Variants in SEL1L2 observed in about 807,000 individuals in gnomAD.
SEL1L2 encodes protein sel-1 homolog 2.
SEL1L2 carries 89 observed loss-of-function variants against 98.8 expected under a neutral mutation model. The observed-to-expected ratio is 0.90, with a 90% CI of 0.76 to 1.07. SEL1L2 has a LOEUF of 1.07. Ranked by LOEUF, SEL1L2 falls within the 50% of genes least tolerant of loss-of-function variation. The pLI is 0.00. For synonymous variants in SEL1L2, 262 were observed against 278.5 expected, an observed-to-expected ratio of 0.94 and a Z score of 0.59; for missense variants, 788 against 812.0, an observed-to-expected ratio of 0.97 and a Z score of 0.36.
intron 2 of SEL1L2, among the ~76,000 whole-genome samples, chr20:13,936,800 A>G (rs1178196520): frequency 6.6e-6 from 1 of 152,216 alleles, no homozygotes; most frequent in African/African-American, 2.4e-5. Flanking sequence ...AGGGCAGAAG[A>G]CAAGATGAAC....
At chr20:13,852,689 C>G (rs886739948) in intron 18 of SEL1L2, among the ~76,000 whole-genome samples, 1 of 152,190 alleles carries the variant, frequency 6.6e-6, no homozygotes, top group African/African-American at 2.4e-5. Flanking sequence ...GTTAAAAGAA[C>G]ATGTTTTTAA....
intron 1 of SEL1L2, among the ~76,000 whole-genome samples, chr20:13,973,605 A>G (rs754850212): frequency 1.1e-4 from 17 of 152,200 alleles, no homozygotes; most frequent in Non-Finnish European, 2.1e-4. Flanking sequence ...GTAGCATCCT[A>G]TGTCTCTGGC....
intron 1 of SEL1L2, among the ~76,000 whole-genome samples, chr20:13,980,985 G>A (rs2051797195): frequency 6.6e-6 from 1 of 152,200 alleles, no homozygotes; most frequent in South Asian, 2.1e-4. Context: ...GCTTACGCCT[G>A]TAATCCCAGC....
chr20:13,961,525 G>T (rs1254554351), intron 1 of SEL1L2, among the ~76,000 whole-genome samples: 3 of 152,150 alleles, frequency 2.0e-5, no homozygotes, highest in African/African-American at 7.2e-5. Context: ...GACTTATAAG[G>T]TTTTTAAAAG....
chr20:13,926,385 T>C (rs965397487), intron 3 of SEL1L2, among the ~76,000 whole-genome samples: 2 of 151,838 alleles, frequency 1.3e-5, no homozygotes, highest in African/African-American at 2.4e-5. Context: ...AAAGAAGAAG[T>C]TGGACTGGGC....
At chr20:13,964,420 G>A (rs559281787) in intron 1 of SEL1L2, among the ~76,000 whole-genome samples, 3 of 141,762 alleles carry the variant, frequency 2.1e-5, no homozygotes, top group African/African-American at 5.2e-5. Flanking sequence ...TAAATGTGTG[G>A]TGTGCTCTGC....
At chr20:13,886,511 G>GA in intron 8 of SEL1L2, 69 bp from the exon 9 acceptor site, 3 of 1,257,130 alleles carry the variant, frequency 2.4e-6, no homozygotes, top group Admixed American at 4.0e-5. Flanking sequence ...TCAATTTAGA[G>GA]AAAACACCGT....
At chr20:13,990,834 C>T (rs886743360), upstream of SEL1L2, among the ~76,000 whole-genome samples, 2 of 152,214 alleles carry the variant, frequency 1.3e-5, no homozygotes, top group Non-Finnish European at 2.9e-5. Context: ...CCGACTCGTA[C>T]GTGTCCACAC....
At chr20:13,937,899 T>C (rs1381761319) in intron 2 of SEL1L2, among the ~76,000 whole-genome samples, 3 of 152,056 alleles carry the variant, frequency 2.0e-5, no homozygotes, top group Admixed American at 6.5e-5. Context: ...GGAAAGAAAG[T>C]TTGAATTTAT....
Position 13,939,040 on chromosome 20 carries a change from G to GTTTTTTT in SEL1L2, c.115-7276_115-7270dup, listed in dbSNP as rs386365633. Reference sequence around the variant, plus strand: ...TCTTTTTGGTTTGTTTGCTTGTTTTGTTTTTTTTTTTTTTTTTTTCTGAGA... The same window carrying GTTTTTTT: ...TCTTTTTGGTTTGTTTGCTTGTTTTGTTTTTTTTTTTTTTTTTTTTTTTTTTCTGAGA... On this transcript the variant is annotated intron_variant, in intron 2 of 19. Coordinates refer to ENST00000284951, the MANE Select transcript of SEL1L2 (RefSeq NM_025229.2). Among the ~76,000 whole-genome samples the GTTTTTTT allele has an allele frequency of 4.8e-4, 55 of 114,076 alleles. 2 individuals are homozygous for GTTTTTTT. Among genetic ancestry groups the GTTTTTTT allele is most frequent in the African/African-American group, 1.5e-3 (43 of 28,888 alleles). The allele number at this position is 114,076 out of a possible 152,430, so 74.8% of individuals were successfully genotyped here.
chr20:13,990,489 C>A lies in SEL1L2; in HGVS notation c.46G>T (p.Val16Phe). The A allele has an allele frequency of 6.2e-7, 1 of 1,611,740 alleles. No individual in the cohort carries two copies. The highest frequency in any genetic ancestry group is 8.5e-7 in the Non-Finnish European group (1 of 1,178,100). ...LLIEILIILG[V>F]TIKTIKAEEH... ...CAAAAAAACTTACTTTTAATTGTGA[C>A]CCCAAGAATTATCAATATCTCTATT... Residue 16 changes from valine (V) to phenylalanine (F), a missense_variant, in exon 1 of 20, where the codon GTC (valine) becomes TTC (phenylalanine). By Grantham distance (50) the Val-to-Phe change is conservative (BLOSUM62 -1). Transcript: ENST00000284951.
chr20:13,900,134 G>T (rs558946330), intron 5 of SEL1L2, among the ~76,000 whole-genome samples: 3 of 152,194 alleles, frequency 2.0e-5, no homozygotes, highest in South Asian at 4.1e-4. Context: ...GACATTTTCA[G>T]TTTGTTCCAT....
intron 4 of SEL1L2, among the ~76,000 whole-genome samples, chr20:13,916,911 A>T (rs2048429390): frequency 6.6e-6 from 1 of 152,174 alleles, no homozygotes; most frequent in African/African-American, 2.4e-5. Context: ...CCAGGTAGGC[A>T]TGAAGGTTCC....
At chr20:13,984,572 C>A (rs2148567977) in intron 1 of SEL1L2, among the ~76,000 whole-genome samples, 1 of 152,208 alleles carries the variant, frequency 6.6e-6, no homozygotes, top group East Asian at 1.9e-4. Context: ...CTTGTTTGGA[C>A]CATTCAATAA....
intron 5 of SEL1L2, among the ~76,000 whole-genome samples, chr20:13,903,710 C>T (rs1600686618): frequency 1.3e-5 from 2 of 152,042 alleles, no homozygotes; most frequent in African/African-American, 4.8e-5. Flanking sequence ...ACTACTGAGG[C>T]TGAGGCAGGA....
chr20:13,890,217 C>A (rs1311385104), intron 5 of SEL1L2, among the ~76,000 whole-genome samples: 1 of 152,160 alleles, frequency 6.6e-6, no homozygotes, highest in Non-Finnish European at 1.5e-5. Context: ...CATGACTTTT[C>A]AGGGGGCTGT....
At chr20:13,988,739 G>C (rs1288721291) in intron 1 of SEL1L2, among the ~76,000 whole-genome samples, 7 of 152,142 alleles carry the variant, frequency 4.6e-5, no homozygotes, top group Non-Finnish European at 1.0e-4. Context: ...GCCCAGATGC[G>C]GTGTGATTCA....
chr20:13,935,756 A>C (rs6042435), intron 2 of SEL1L2, among the ~76,000 whole-genome samples: 138,137 of 152,150 alleles, frequency 0.91, 62,840 homozygotes, highest in East Asian at 1. Flanking sequence ...TATTAACTGA[A>C]TTAAATTTCA....
intron 9 of SEL1L2, among the ~76,000 whole-genome samples, chr20:13,885,835 A>G (rs536502318): frequency 6.6e-6 from 1 of 152,256 alleles, no homozygotes; most frequent in African/African-American, 2.4e-5. Context: ...GGAGATCGAG[A>G]CCATCCTGGC....
Sources: gnomAD v4.1 joint callset for allele counts (sites outside exome capture counted in the v4.1 genomes callset) on GRCh38, gnomAD v4.1.1 for gene constraint, MANE v1.5 for transcripts, NCBI Gene and HGNC (gene_info 2026-07-23, HGNC 2026-07-21) for gene names.